Variants in OR5M10 observed in about 807,000 individuals in gnomAD.
OR5M10 encodes olfactory receptor 5M10.
For missense variants in OR5M10, 387 were observed against 376.4 expected (o/e 1.03, Z -0.23); for synonymous variants, 149 against 144.8 (o/e 1.03, Z -0.21).
Position 56,577,074 on chromosome 11 carries a change from C to G in OR5M10, c.648G>C (p.Leu216=), listed in dbSNP as rs761879644. 7.1e-5 allele frequency: 115 copies of G among 1,613,648 alleles called. No homozygotes were observed. Among genetic ancestry groups the G allele is most frequent in the Non-Finnish European group, 9.0e-5 (106 of 1,179,848 alleles). The change falls in exon 1 of 1, where the codon CTG becomes CTC. Residue 216 remains leucine (L), a synonymous_variant. Coordinates refer to ENST00000526538, the MANE Select transcript of OR5M10 (RefSeq NM_001004741.1). ...TCGCTGCAAAAATGAAAAGATAGGA[C>G]AGAAGAATGATGAAGAGAGAGCTTG... The part of the protein sequence containing the change: ...TLSSSLFIIL[L]SYLFIFAAIF...
Position 56,576,781 on chromosome 11 carries a change from G to A in OR5M10, c.941C>T (p.Ala314Val). The A allele has an allele frequency of 1.2e-6, 2 of 1,607,504 alleles. No individual in the cohort carries two copies. The highest frequency in any genetic ancestry group is 1.7e-6 in the Non-Finnish European group (2 of 1,176,972). Residue 314 changes from alanine (A) to valine (V), a missense_variant, in exon 1 of 1, where the codon GCA becomes GTA. Ala to Val is a moderately conservative substitution (Grantham distance 64). Coordinates refer to ENST00000526538, the MANE Select transcript of OR5M10 (RefSeq NM_001004741.1). ...MIRGKSFCKI[A>V]V The stretch of plus-strand genomic sequence containing the variant: ...TTACAAATAAACACAGGCCTAAACT[G>A]CAATTTTACAAAAGGATTTTCCCCT...
At position 56,577,358 on chromosome 11, in the gene OR5M10, G is replaced by A. The variant is rs1319042945; in HGVS notation, c.364C>T (p.Arg122Cys). The change falls in exon 1 of 1, where the codon CGC becomes TGC. Residue 122 changes from arginine (R) to cysteine (C), a missense_variant. By Grantham distance (180) the Arg-to-Cys change is radical. Transcript: ENST00000526538. ...AAAGGGCTGCAAATGGCTACATAGC[G>A]ATCCAATGCCATTGAAGCAAGGAAG... Reference protein sequence around the residue: ...FYFLASMALDRYVAICSPLHY... With the variant: ...FYFLASMALDCYVAICSPLHY... 2.5e-6 allele frequency: 4 copies of A among 1,612,856 alleles called. No homozygotes were observed. Among genetic ancestry groups the A allele is most frequent in the African/African-American group, 2.7e-5 (2 of 74,784 alleles).
rs755014739 is a variant in OR5M10, at chr11:56,577,294, G to A, written c.428C>T (p.Ser143Phe). 6.2e-7 allele frequency: 1 copy of A among 1,613,916 alleles called. No homozygotes were observed. Among genetic ancestry groups the A allele is most frequent in the South Asian group, 1.1e-5 (1 of 91,076 alleles). The change falls in exon 1 of 1, where the codon TCT (serine) becomes TTT (phenylalanine). Residue 143 changes from serine to phenylalanine, a missense_variant. Transcript: ENST00000526538. Reference sequence around the variant, plus strand: ...ATACATGTAAGGCACAGTGACCAGAGAGATGCAAATGTTCTTGGACATCCT... The same window carrying A: ...ATACATGTAAGGCACAGTGACCAGAAAGATGCAAATGTTCTTGGACATCCT... ...SSRMSKNICI[S>F]LVTVPYMYGF...
Position 56,577,198 on chromosome 11 carries a change from T to A in OR5M10, c.524A>T (p.Asn175Ile), listed in dbSNP as rs1205075051. The A allele has an allele frequency of 1.2e-6, 2 of 1,613,798 alleles. No homozygotes were observed. The highest frequency in any genetic ancestry group is 1.7e-6 in the Non-Finnish European group (2 of 1,179,880). ...AGGAGGATCAGCGCAGTAGAAATGATTGATTTCAAGGGAGCCACAGAAGGA... is the reference window on the plus strand; with the variant it reads ...AGGAGGATCAGCGCAGTAGAAATGAATGATTTCAAGGGAGCCACAGAAGGA... ...HLSFCGSLEI[N>I]HFYCADPPLI... The change falls in exon 1 of 1, where the codon AAT becomes ATT. Residue 175 changes from asparagine (N) to isoleucine (I), a missense_variant. Asn to Ile is a moderately radical substitution (Grantham distance 149, BLOSUM62 -3). Transcript: ENST00000526538.
rs544601347 is a variant in OR5M10, at chr11:56,577,213, C to T, written c.509G>A (p.Gly170Asp). 80 of 1,613,756 alleles carry T rather than the reference C, an allele frequency of 5.0e-5. No individual in the cohort carries two copies. Among genetic ancestry groups the T allele is most frequent in the Non-Finnish European group, 6.4e-5 (75 of 1,179,880 alleles). Reference sequence around the variant, plus strand: ...GTAGAAATGATTGATTTCAAGGGAGCCACAGAAGGATAAGTGAAAGGTCAG... The same window carrying T: ...GTAGAAATGATTGATTTCAAGGGAGTCACAGAAGGATAAGTGAAAGGTCAG... Reference protein sequence around the residue: ...TLLTFHLSFCGSLEINHFYCA... With the variant: ...TLLTFHLSFCDSLEINHFYCA... Residue 170 changes from glycine to aspartate, a missense_variant, in exon 1 of 1, where the codon GGC becomes GAC. Gly to Asp is a moderately conservative substitution (Grantham distance 94). Transcript: ENST00000526538.
Position 56,576,789 on chromosome 11 carries a change from A to T in OR5M10, c.933T>A (p.Cys311Ter). Residue 311 changes from cysteine (C) to a stop codon, truncating the protein, a stop_gained, in exon 1 of 1, where the codon TGT (cysteine) becomes TGA (stop). Coordinates refer to ENST00000526538, the MANE Select transcript of OR5M10 (RefSeq NM_001004741.1). LOFTEE classifies it low-confidence loss of function (END_TRUNC). ...AAACACAGGCCTAAACTGCAATTTTACAAAAGGATTTTCCCCTAATCATTT... is the reference window on the plus strand; with the variant it reads ...AAACACAGGCCTAAACTGCAATTTTTCAAAAGGATTTTCCCCTAATCATTT... Reference protein sequence around the residue: ...IQQMIRGKSFCKIAV With the variant: ...IQQMIRGKSF 1.2e-6 allele frequency: 2 copies of T among 1,609,140 alleles called. No individual in the cohort carries two copies. Among genetic ancestry groups the T allele is most frequent in the South Asian group, 2.2e-5 (2 of 90,194 alleles).
chr11:56,577,283 C>T lies in OR5M10; in HGVS notation c.439G>A (p.Val147Met), dbSNP rs186991602. Reference protein sequence around the residue: ...SKNICISLVTVPYMYGFLNGL... With the variant: ...SKNICISLVTMPYMYGFLNGL... ...TTAAGGAAGCCATACATGTAAGGCA[C>T]AGTGACCAGAGAGATGCAAATGTTC... Residue 147 changes from valine (V) to methionine (M), a missense_variant, in exon 1 of 1, where the codon GTG becomes ATG. By Grantham distance (21) the Val-to-Met change is conservative. Coordinates refer to ENST00000526538, the MANE Select transcript of OR5M10 (RefSeq NM_001004741.1). The T allele has an allele frequency of 1.2e-6, 2 of 1,613,828 alleles. No homozygotes were observed. Among genetic ancestry groups the T allele is most frequent in the African/African-American group, 1.3e-5 (1 of 74,932 alleles).
chr11:56,576,857 T>A lies in OR5M10; in HGVS notation c.865A>T (p.Ile289Phe). ...ACATCTCTGTTCCGTAGGCTATAGA[T>A]CAATGGGTTCAGCATTGGGCTCAAA... The part of the protein sequence containing the change: ...TFLSPMLNPL[I>F]YSLRNRDVIL... Residue 289 changes from isoleucine to phenylalanine, a missense_variant, in exon 1 of 1, where the codon ATC becomes TTC. By Grantham distance (21) the Ile-to-Phe change is conservative (BLOSUM62 0). Transcript: ENST00000526538. 6.2e-7 allele frequency: 1 copy of A among 1,613,902 alleles called. No homozygotes were observed.
chr11:56,577,563 G>A lies in OR5M10; in HGVS notation c.159C>T (p.Ser53=), dbSNP rs1853271787. 6.2e-7 allele frequency: 1 copy of A among 1,613,658 alleles called. No individual in the cohort carries two copies. Among genetic ancestry groups the A allele is most frequent in the African/African-American group, 1.3e-5 (1 of 74,910 alleles). The change falls in exon 1 of 1, where the codon TCC becomes TCT. Residue 53 remains serine, a synonymous_variant. Transcript: ENST00000526538. Reference sequence around the variant, plus strand: ...AGAAATACATGGGTGTTTGCAGTTGGGAATTGGTCCTGATCAGCAGGATCA... The same window carrying A: ...AGAAATACATGGGTGTTTGCAGTTGAGAATTGGTCCTGATCAGCAGGATCA... ...LCMILLIRTN[S]QLQTPMYFFL...
rs2852414 is a variant in OR5M10, at chr11:56,576,838, C to G, written c.884G>C (p.Arg295Thr). Residue 295 changes from arginine to threonine, a missense_variant, in exon 1 of 1, where the codon AGA (arginine) becomes ACA (threonine). Coordinates refer to ENST00000526538, the MANE Select transcript of OR5M10 (RefSeq NM_001004741.1). ...LNPLIYSLRN[R>T]DVILAIQQMI... ...TTGTTGTATGGCAAGGATTACATCT[C>G]TGTTCCGTAGGCTATAGATCAATGG... The G allele has an allele frequency of 7.6e-5, 122 of 1,613,726 alleles. 1 individual carries two copies. The highest frequency in any genetic ancestry group is 4.9e-4 in the African/African-American group (37 of 74,916).
chr11:56,577,337 G>T lies in OR5M10; in HGVS notation c.385C>A (p.Pro129Thr). Residue 129 changes from proline (P) to threonine (T), a missense_variant, in exon 1 of 1, where the codon CCT (proline) becomes ACT (threonine). Pro to Thr is a conservative substitution (Grantham distance 38). Coordinates refer to ENST00000526538, the MANE Select transcript of OR5M10 (RefSeq NM_001004741.1). ...ALDRYVAICS[P>T]LHYSSRMSKN... Reference sequence around the variant, plus strand: ...GACATCCTGGAACTGTAATGTAAAGGGCTGCAAATGGCTACATAGCGATCC... The same window carrying T: ...GACATCCTGGAACTGTAATGTAAAGTGCTGCAAATGGCTACATAGCGATCC... The T allele has an allele frequency of 6.2e-7, 1 of 1,613,678 alleles. No individual in the cohort carries two copies.
In OR5M10 at chr11:56,577,276, T is replaced by A. The variant is rs775066388; in HGVS notation, c.446A>T (p.Tyr149Phe). The change falls in exon 1 of 1, where the codon TAC becomes TTC. Residue 149 changes from tyrosine (Y) to phenylalanine (F), a missense_variant. Coordinates refer to ENST00000526538, the MANE Select transcript of OR5M10 (RefSeq NM_001004741.1). The part of the protein sequence containing the change: ...NICISLVTVP[Y>F]MYGFLNGLSQ... ...GAGCCCATTAAGGAAGCCATACATG[T>A]AAGGCACAGTGACCAGAGAGATGCA... 6.2e-7 allele frequency: 1 copy of A among 1,613,868 alleles called. No individual in the cohort carries two copies. The highest frequency in any genetic ancestry group is 1.1e-5 in the South Asian group (1 of 91,078).
chr11:56,577,525 A>T lies in OR5M10; in HGVS notation c.197T>A (p.Leu66His). 6.2e-7 allele frequency: 1 copy of T among 1,613,620 alleles called. No homozygotes were observed. The change falls in exon 1 of 1, where the codon CTC becomes CAC. Residue 66 changes from leucine (L) to histidine (H), a missense_variant. Coordinates refer to ENST00000526538, the MANE Select transcript of OR5M10 (RefSeq NM_001004741.1). ...AGAATAGCAAATGTCTACAAAGGAG[A>T]GGTGACCAAGGAAGAAATACATGGG... The part of the protein sequence containing the change: ...QTPMYFFLGH[L>H]SFVDICYSSN...
rs749972191 is a variant in OR5M10, at chr11:56,577,086, G to T, written c.636C>A (p.Phe212Leu). 2 of 1,613,830 alleles carry T rather than the reference G, an allele frequency of 1.2e-6. No homozygotes were observed. The highest frequency in any genetic ancestry group is 1.7e-6 in the Non-Finnish European group (2 of 1,179,850). Residue 212 changes from phenylalanine (F) to leucine (L), a missense_variant, in exon 1 of 1, where the codon TTC (phenylalanine) becomes TTA (leucine). By Grantham distance (22) the Phe-to-Leu change is conservative. Transcript: ENST00000526538. ...TGAAAAGATAGGACAGAAGAATGAT[G>T]AAGAGAGAGCTTGAGAGAGTAAAGC... is the stretch of plus-strand genomic sequence containing the variant. The part of the protein sequence containing the change: ...VAGFTLSSSL[F>L]IILLSYLFIF...
chr11:56,577,072 G>T lies in OR5M10; in HGVS notation c.650C>A (p.Ser217Tyr), dbSNP rs2134927890. 6.2e-7 allele frequency: 1 copy of T among 1,613,796 alleles called. No homozygotes were observed. Among genetic ancestry groups the T allele is most frequent in the Non-Finnish European group, 8.5e-7 (1 of 1,179,848 alleles). Residue 217 changes from serine (S) to tyrosine (Y), a missense_variant, in exon 1 of 1, where the codon TCC becomes TAC. By Grantham distance (144) the Ser-to-Tyr change is moderately radical (BLOSUM62 -2). Coordinates refer to ENST00000526538, the MANE Select transcript of OR5M10 (RefSeq NM_001004741.1). ...LSSSLFIILL[S>Y]YLFIFAAIFR... The stretch of plus-strand genomic sequence containing the variant: ...GATCGCTGCAAAAATGAAAAGATAG[G>T]ACAGAAGAATGATGAAGAGAGAGCT...
In OR5M10 at chr11:56,577,458, T is replaced by C. The variant is rs750161221; in HGVS notation, c.264A>G (p.Glu88=). The change falls in exon 1 of 1, where the codon GAA becomes GAG. Residue 88 remains glutamate (E), a synonymous_variant. Transcript: ENST00000526538. ...ATCCAGCGTAGGAGATGGTCTTCTGTTCTGAGAGGAAATTGTGCAGCATAT... is the reference window on the plus strand; with the variant it reads ...ATCCAGCGTAGGAGATGGTCTTCTGCTCTGAGAGGAAATTGTGCAGCATAT... ...TPNMLHNFLS[E]QKTISYAGCF... 88 of 1,613,594 alleles carry C rather than the reference T, an allele frequency of 5.5e-5. No individual in the cohort carries two copies. Among genetic ancestry groups the C allele is most frequent in the Non-Finnish European group, 1.0e-5 (12 of 1,179,782 alleles).
chr11:56,577,682 G>T lies in OR5M10; in HGVS notation c.40C>A (p.Leu14Ile). 1 of 1,613,598 alleles carries T rather than the reference G, an allele frequency of 6.2e-7. No homozygotes were observed. Among genetic ancestry groups the T allele is most frequent in the African/African-American group, 1.3e-5 (1 of 74,898 alleles). The change falls in exon 1 of 1, where the codon CTC (leucine) becomes ATC (isoleucine). Residue 14 changes from leucine to isoleucine, a missense_variant. Physicochemically the swap from Leu to Ile is conservative, Grantham distance 5. Transcript: ENST00000526538. The part of the protein sequence containing the change: ...PNHTIVTEFI[L>I]LGLTDDPVLE... ...ACTGGGTCGTCTGTCAGTCCTAAGA[G>T]AATGAATTCTGTCACTATGGTGTGG...
Position 56,577,608 on chromosome 11 carries a change from T to G in OR5M10, c.114A>C (p.Thr38=), listed in dbSNP as rs1398891094. 3 of 1,613,532 alleles carry G rather than the reference T, an allele frequency of 1.9e-6. No individual in the cohort carries two copies. Among genetic ancestry groups the G allele is most frequent in the Non-Finnish European group, 2.5e-6 (3 of 1,179,728 alleles). ...FGVFLAIYLI[T]LAGNLCMILL... ...GGATCATGCACAGGTTGCCTGCCAG[T>G]GTGATTAGGTAGATCGCCAGGAACA... The change falls in exon 1 of 1, where the codon ACA becomes ACC. Residue 38 remains threonine (T), a synonymous_variant. Transcript: ENST00000526538.
chr11:56,577,010 A>T lies in OR5M10; in HGVS notation c.712T>A (p.Phe238Ile), dbSNP rs201452553. ...GTCAGGTGGGAAGCACACGTAGAAA[A>T]GGCTTTGTGCCTGCCTTCAGCAGAA... ...IRSAEGRHKA[F>I]STCASHLTIV... Residue 238 changes from phenylalanine to isoleucine, a missense_variant, in exon 1 of 1, where the codon TTT becomes ATT. Coordinates refer to ENST00000526538, the MANE Select transcript of OR5M10 (RefSeq NM_001004741.1). 129 of 1,613,838 alleles carry T rather than the reference A, an allele frequency of 8.0e-5. 1 individual carries two copies. In the African/African-American group the frequency reaches 1.4e-3, roughly 18 times the overall value.
Sources: allele counts gnomAD v4.1 joint callset, GRCh38; gene constraint gnomAD v4.1.1; transcripts MANE v1.5; gene names NCBI Gene and HGNC (gene_info 2026-07-23, HGNC 2026-07-21).